ERAP1: variants seen among roughly 807,000 people sequenced by gnomAD.
ERAP1 encodes the protein endoplasmic reticulum aminopeptidase 1, also known as adipocyte-derived leucine aminopeptidase.
A neutral mutation model predicts 103.7 loss-of-function variants in ERAP1; 86 were observed. That is an observed-to-expected ratio of 0.83 (90% CI 0.70 to 0.99). The LOEUF (loss-of-function observed/expected upper bound fraction) is 0.99. ERAP1 is among the 50% of genes least tolerant of loss of function. ERAP1 has a pLI of 0.00. For missense variants in ERAP1, 1,009 were observed against 1,128.4 expected, an observed-to-expected ratio of 0.89 and a Z score of 1.52; for synonymous variants, 398 against 402.4, an observed-to-expected ratio of 0.99 and a Z score of 0.13.
At chr5:96,873,204 A>C in the ERAP1 span, 1 of 379,026 alleles carries the variant, frequency 2.6e-6, no homozygotes, top group Non-Finnish European at 5.3e-6. Flanking sequence ...AAAAATCATG[A>C]AAATTCGTGA....
chr5:96,829,088 C>T, the ERAP1 span, among the ~76,000 whole-genome samples: 38 of 152,282 alleles, frequency 2.5e-4, no homozygotes, highest in African/African-American at 7.7e-4. Flanking sequence ...CCTTGTGATC[C>T]GCCCGCCTCG....
chr5:96,857,683 T>C, the ERAP1 span, among the ~76,000 whole-genome samples: 9 of 152,358 alleles, frequency 5.9e-5, no homozygotes, highest in Non-Finnish European at 1.0e-4. Flanking sequence ...AGAGCCTATA[T>C]GCTGAATTGC....
At chr5:96,889,308 A>G in the ERAP1 span, 1 of 1,614,054 alleles carries the variant, frequency 6.2e-7, no homozygotes, top group Non-Finnish European at 8.5e-7. Flanking sequence ...CAAACTGGGT[A>G]TGTTCAAATT....
chr5:96,762,983 C>G, exon 20 of ERAP1: 2 of 606,020 alleles, frequency 3.3e-6, no homozygotes, highest in South Asian at 3.8e-5. Context: ...GACTAATCAC[C>G]TGTGCAATAC....
chr5:96,892,448 C>CACCAGGTACTTGGCA, the ERAP1 span: 1 of 1,613,816 alleles, frequency 6.2e-7, no homozygotes, highest in Non-Finnish European at 8.5e-7. Flanking sequence ...TGAACTGGCG[C>CACCAGGTACTTGGCA]ACCAGGTACT....
chr5:96,929,146 A>G, the ERAP1 span, among the ~76,000 whole-genome samples: 1 of 152,308 alleles, frequency 6.6e-6, no homozygotes, highest in Admixed American at 6.5e-5. Flanking sequence ...TCAAGGGCCA[A>G]ACAGTGCACT....
chr5:96,810,582 A>G (rs1272159442), upstream of ERAP1, among the ~76,000 whole-genome samples: 1 of 152,202 alleles, frequency 6.6e-6, no homozygotes, highest in East Asian at 1.9e-4. Context: ...GGTAAACACT[A>G]ATATTGTATA....
chr5:96,776,459 C>T lies in ERAP1; in HGVS notation c.2763G>A (p.Trp921Ter), dbSNP rs1319340174. The T allele has an allele frequency of 1.9e-6, 3 of 1,614,094 alleles. No individual in the cohort carries two copies. The highest frequency in any genetic ancestry group is 1.7e-5 in the Admixed American group (1 of 60,016). ...TIETIEENIG[W>*]MDKNFDKIRV... is the part of the protein sequence containing the mutation. ...TGATTTTATCAAAATTCTTATCCAT[C>T]CAACCGATGTTTTCTTCAATGGTTT... The change falls in exon 19 of 19, where the codon TGG becomes TGA. Residue 921 changes from tryptophan to a stop codon, truncating the protein, a stop_gained. Transcript: ENST00000443439. LOFTEE classifies it high-confidence loss of function.
chr5:96,913,938 G>C, the ERAP1 span, among the ~76,000 whole-genome samples: 1 of 152,186 alleles, frequency 6.6e-6, no homozygotes, highest in Non-Finnish European at 1.5e-5. Flanking sequence ...TCAGGTGAAA[G>C]AAACCTAGTC....
At chr5:96,927,900 ATTTC>A in the ERAP1 span, among the ~76,000 whole-genome samples, 43 of 149,728 alleles carry the variant, frequency 2.9e-4, no homozygotes, top group African/African-American at 7.6e-4. Context: ...CTGTCTTTTC[ATTTC>A]TTTCTTTCTT....
chr5:96,813,650 C>CAAAAAAAA, the ERAP1 span, among the ~76,000 whole-genome samples: 194 of 55,150 alleles, frequency 3.5e-3, 56 homozygotes, highest in African/African-American at 0.012. Flanking sequence ...AGACTCATCT[C>CAAAAAAAA]AAAAAAAAAA....
chr5:96,875,064 C>T, the ERAP1 span, among the ~76,000 whole-genome samples: 137 of 152,238 alleles, frequency 9.0e-4, no homozygotes, highest in African/African-American at 3.1e-3. Flanking sequence ...GTGGGGGAGG[C>T]ATGGTCGAGC....
At chr5:96,831,749 G>T in the ERAP1 span, among the ~76,000 whole-genome samples, 2 of 152,160 alleles carry the variant, frequency 1.3e-5, no homozygotes, top group Non-Finnish European at 2.9e-5. Context: ...CAGAATCCAG[G>T]CTTAGCAGGG....
At chr5:96,933,496 A>C in the ERAP1 span, among the ~76,000 whole-genome samples, 1 of 152,204 alleles carries the variant, frequency 6.6e-6, no homozygotes, top group East Asian at 1.9e-4. Flanking sequence ...GTTGGCAAAG[A>C]AATCATTTGT....
At chr5:96,891,531 T>TAC in the ERAP1 span, among the ~76,000 whole-genome samples, 4 of 67,486 alleles carry the variant, frequency 5.9e-5, no homozygotes, top group East Asian at 7.5e-4. Flanking sequence ...ATATACGGTA[T>TAC]ATATACACAC....
chr5:96,772,781 T>G (rs1772933743), downstream of ERAP1: 1 of 152,810 alleles, frequency 6.5e-6, no homozygotes, highest in South Asian at 2.1e-4. Context: ...GGTTTGTTAT[T>G]CTTTTCCAGA....
the ERAP1 span, chr5:96,892,170 A>G: frequency 2.3e-6 from 2 of 859,190 alleles, no homozygotes; most frequent in East Asian, 2.5e-5. Flanking sequence ...CAATGTTAAG[A>G]TATTCTTGAT....
the ERAP1 span, among the ~76,000 whole-genome samples, chr5:96,925,422 C>T: frequency 1.3e-5 from 2 of 152,202 alleles, no homozygotes; most frequent in East Asian, 3.9e-4. Context: ...CAGGCTCTCA[C>T]CTCAGTCCTG....
chr5:96,797,430 C>T (rs565619699), intron 3 of ERAP1, 121 bp from the exon 4 acceptor site: 44 of 1,089,804 alleles, frequency 4.0e-5, no homozygotes, highest in Non-Finnish European at 5.3e-5. Context: ...TTGGGGAGTC[C>T]GAGGTAGGCA....
Sources: allele counts gnomAD v4.1 joint callset (sites outside exome capture counted in the v4.1 genomes callset), GRCh38; gene constraint gnomAD v4.1.1; transcripts MANE v1.5; gene names NCBI Gene and HGNC (gene_info 2026-07-23, HGNC 2026-07-21).